Variants in GRIK3 observed in about 807,000 individuals in gnomAD.
The protein encoded by GRIK3 is glutamate receptor ionotropic, kainate 3.
In GRIK3, 29 loss-of-function variants were observed where a neutral mutation model predicts 102.5. The ratio of observed to expected loss-of-function variants is 0.28; its 90% CI spans 0.21 to 0.39. The LOEUF is 0.39. GRIK3 is among the 10% of genes least tolerant of loss of function. The pLI, the probability that GRIK3 is intolerant of heterozygous loss-of-function variation, is 1.00. For missense variants in GRIK3, 908 were observed against 1,252.4 expected (o/e 0.73, Z 4.15); for synonymous variants, 511 against 504.9 (o/e 1.01, Z -0.16).
At chr1:37,007,862 G>A (rs7532651) in intron 1 of GRIK3, among the ~76,000 whole-genome samples, 37,012 of 152,072 alleles carry the variant, frequency 0.24, 4,788 homozygotes, top group African/African-American at 0.28. Flanking sequence ...GTGGAAAACC[G>A]AGCAGCAGCA....
chr1:36,820,184 G>A (rs1162441794), intron 11 of GRIK3, among the ~76,000 whole-genome samples: 1 of 152,056 alleles, frequency 6.6e-6, no homozygotes, highest in Admixed American at 6.6e-5. Context: ...AGCATTGTTT[G>A]CAATTGCAAA....
chr1:36,805,272 G>T, intron 14 of GRIK3, 35 bp from the exon 15 acceptor site: 1 of 1,574,210 alleles, frequency 6.4e-7, no homozygotes, highest in Non-Finnish European at 8.6e-7. Flanking sequence ...GCCATCAGTG[G>T]CGTGTGGCCC....
Position 36,850,797 on chromosome 1 carries a change from C to T in GRIK3, c.1213-373G>A, listed in dbSNP as rs1196744397. 6.6e-6 allele frequency among the ~76,000 whole-genome samples: 1 copy of T among 152,210 alleles called. No homozygotes were observed. Among genetic ancestry groups the T allele is most frequent in the Non-Finnish European group, 1.5e-5 (1 of 68,032 alleles). On this transcript the variant is annotated intron_variant, in intron 8 of 15. Transcript: ENST00000373091. The surrounding 1 kb of genome is among the most constrained non-coding windows in gnomAD (Gnocchi z 4.0). ...GGGAATCAGGGGTCTATGGTCAGTG[C>T]CAGGTCTTGCCCTGGGACACAGTCT...
intron 3 of GRIK3, among the ~76,000 whole-genome samples, chr1:36,875,289 C>A (rs919382871): frequency 2.6e-5 from 4 of 152,312 alleles, no homozygotes; most frequent in African/African-American, 9.6e-5. Context: ...ATCCTTTCAC[C>A]CTCAAGATGA....
At chr1:36,938,917 C>A (rs766108782) in intron 1 of GRIK3, among the ~76,000 whole-genome samples, 1 of 152,106 alleles carries the variant, frequency 6.6e-6, no homozygotes, top group Non-Finnish European at 1.5e-5. Context: ...CGTGGGGAAG[C>A]CAACTTGAGA....
intron 6 of GRIK3, among the ~76,000 whole-genome samples, chr1:36,859,634 C>T (rs887140185): frequency 6.6e-6 from 1 of 152,212 alleles, no homozygotes; most frequent in Non-Finnish European, 1.5e-5. Flanking sequence ...CTTTTGCTTA[C>T]ATGTCTGGAT....
chr1:36,807,015 C>T (rs1047959175), intron 13 of GRIK3, among the ~76,000 whole-genome samples: 2 of 152,114 alleles, frequency 1.3e-5, no homozygotes, highest in African/African-American at 4.8e-5. Context: ...CAGACATGTT[C>T]TACTTCATTA....
chr1:36,942,170 G>A (rs572638230), intron 1 of GRIK3, among the ~76,000 whole-genome samples: 8 of 152,276 alleles, frequency 5.3e-5, no homozygotes, highest in Non-Finnish European at 1.0e-4. Flanking sequence ...CGAACTCCAC[G>A]GCACTACCTG....
At position 36,902,996 on chromosome 1, in the gene GRIK3, G is replaced by T. The variant is rs145784593; in HGVS notation, c.116-11900C>A. ...GTAGAGACAGGGTTTCCCCATCTTG[G>T]CCAGGCTGGTCTTGAACTCCTGACC... On this transcript the variant is annotated intron_variant, in intron 1 of 15. Transcript: ENST00000373091. Among the ~76,000 whole-genome samples, 789 of 152,174 alleles carry T rather than the reference G, an allele frequency of 5.2e-3. 2 individuals carry two copies. The highest frequency in any genetic ancestry group is 0.018 in the African/African-American group (751 of 41,508).
At chr1:36,979,733 A>G (rs1642230857) in intron 1 of GRIK3, among the ~76,000 whole-genome samples, 1 of 152,226 alleles carries the variant, frequency 6.6e-6, no homozygotes, top group South Asian at 2.1e-4. Context: ...TTGAAAGGCC[A>G]TGAGGTGGAG....
chr1:36,836,436 G>C (rs936224717), intron 10 of GRIK3, among the ~76,000 whole-genome samples: 1 of 152,248 alleles, frequency 6.6e-6, no homozygotes, highest in Non-Finnish European at 1.5e-5. Context: ...CAGGTGTTGG[G>C]ACAGCAGCCA....
intron 9 of GRIK3, among the ~76,000 whole-genome samples, chr1:36,848,916 A>G (rs933723556): frequency 1.3e-4 from 19 of 150,890 alleles, no homozygotes; most frequent in African/African-American, 4.2e-4. Context: ...GTTTTAGGGA[A>G]GAAGATAGTA....
intron 1 of GRIK3, among the ~76,000 whole-genome samples, chr1:36,954,469 C>T (rs1380254566): frequency 6.6e-6 from 1 of 152,234 alleles, no homozygotes. Context: ...AGGCCCCCGA[C>T]CCTGAAGGCC....
chr1:36,822,367 A>G (rs1357646340), intron 11 of GRIK3, among the ~76,000 whole-genome samples: 1 of 152,140 alleles, frequency 6.6e-6, no homozygotes, highest in Non-Finnish European at 1.5e-5. Context: ...TCGCCTCCCG[A>G]GAGGTGAAAG....
chr1:37,004,470 G>C (rs1158861830), intron 1 of GRIK3, among the ~76,000 whole-genome samples: 5 of 152,172 alleles, frequency 3.3e-5, no homozygotes, highest in African/African-American at 1.2e-4. Context: ...GTGGGGGTCT[G>C]GGGTCTGATC....
chr1:36,845,807 G>A (rs951998340), intron 9 of GRIK3, among the ~76,000 whole-genome samples: 2 of 152,140 alleles, frequency 1.3e-5, no homozygotes, highest in Non-Finnish European at 2.9e-5. Context: ...GCCTAGAATC[G>A]TTCCCAGCCT....
At chr1:36,938,494 C>T (rs937101411) in intron 1 of GRIK3, among the ~76,000 whole-genome samples, 9 of 152,184 alleles carry the variant, frequency 5.9e-5, no homozygotes, top group African/African-American at 9.7e-5. Context: ...TGTTGCATCT[C>T]TGTTGTTCAT....
chr1:36,995,906 A>G (rs1271895297), intron 1 of GRIK3, among the ~76,000 whole-genome samples: 1 of 152,232 alleles, frequency 6.6e-6, no homozygotes, highest in Non-Finnish European at 1.5e-5. Flanking sequence ...CTTCTTGGCC[A>G]GAATTAGATC....
chr1:37,033,969 A>AC, intron 1 of GRIK3, 25 bp downstream of exon 1: 1 of 1,374,420 alleles, frequency 7.3e-7, no homozygotes, highest in South Asian at 1.2e-5. Context: ...GCGCACGGAG[A>AC]CCCCCGGCTC....
Sources: gnomAD v4.1 joint callset for allele counts (sites outside exome capture counted in the v4.1 genomes callset) on GRCh38, gnomAD v4.1.1 for gene constraint, Gnocchi (gnomAD v3.1) non-coding constraint, MANE v1.5 for transcripts, NCBI Gene and HGNC (gene_info 2026-07-23, HGNC 2026-07-21) for gene names.